Variants in ERICH3 observed in about 807,000 individuals in gnomAD.
The protein encoded by ERICH3 is glutamate-rich protein 3.
In ERICH3, 126 loss-of-function variants were observed where a neutral mutation model predicts 131.1. The observed-to-expected ratio is 0.96, with a 90% CI of 0.83 to 1.11. The LOEUF (loss-of-function observed/expected upper bound fraction) is 1.11, where lower values mean the gene tolerates loss of function less well. Among genes scored for constraint, ERICH3 ranks in the 50% most tolerant of loss-of-function variants. The pLI, the probability that ERICH3 is intolerant of heterozygous loss-of-function variation, is 0.00. For synonymous variants in ERICH3, 695 were observed against 644.6 expected (o/e 1.08, Z -1.18); for missense variants, 2,050 against 1,810.7 (o/e 1.13, Z -2.40).
intron 12 of ERICH3, among the ~76,000 whole-genome samples, chr1:74,582,494 A>G (rs139506050): frequency 6.6e-6 from 1 of 152,294 alleles, no homozygotes; most frequent in African/African-American, 2.4e-5. Flanking sequence ...ACCTGAATTC[A>G]TATTACCAAA....
chr1:74,591,018 G>T lies in ERICH3; in HGVS notation c.1727-938C>A, dbSNP rs72675361. 7.6e-3 allele frequency among the ~76,000 whole-genome samples: 1,149 copies of T among 152,182 alleles called. 6 individuals carry two copies. Among genetic ancestry groups the T allele is most frequent in the Non-Finnish European group, 0.013 (852 of 67,988 alleles). ...TATCACCACAGTATTCTGTGTGCAT[G>T]AAACTTAAATTTTTGTCTACTGTAC... On this transcript the variant is annotated intron_variant, in intron 11 of 14. Transcript: ENST00000326665.
intron 6 of ERICH3, among the ~76,000 whole-genome samples, chr1:74,633,354 T>A (rs1285299050): frequency 1.3e-5 from 2 of 151,814 alleles, no homozygotes; most frequent in African/African-American, 4.8e-5. Flanking sequence ...TTTTCTTATA[T>A]TTTCCATTTT....
chr1:74,667,377 A>T (rs1194320729), intron 1 of ERICH3, among the ~76,000 whole-genome samples: 1 of 152,226 alleles, frequency 6.6e-6, no homozygotes, highest in African/African-American at 2.4e-5. Context: ...TCATTCCATA[A>T]CATACACTAT....
chr1:74,573,488 G>A lies in ERICH3; in HGVS notation c.2222C>T (p.Pro741Leu). Reference sequence around the variant, plus strand: ...TTCATCCACCATGAAATTCATTGTTGGTGCTATAAAAATAAGGTTAGAAAT... The same window carrying A: ...TTCATCCACCATGAAATTCATTGTTAGTGCTATAAAAATAAGGTTAGAAAT... ...PLAYVLALGA[P>L]TMNFMVDETA... Residue 741 changes from proline to leucine, a missense_variant, in exon 14 of 15, where the codon CCA becomes CTA. Transcript: ENST00000326665. 1 of 1,500,936 alleles carries A rather than the reference G, an allele frequency of 6.7e-7. No individual in the cohort carries two copies. Among genetic ancestry groups the A allele is most frequent in the Non-Finnish European group, 8.9e-7 (1 of 1,128,632 alleles). The allele number at this position is 1,500,936 out of a possible 1,614,324, so 93.0% of individuals were successfully genotyped here. A position where few individuals can be genotyped will look rare whatever the true frequency, so the allele number is the denominator to read the frequency against.
At chr1:74,654,377 T>TATCCTACAGTAGG (rs1646564622) in intron 1 of ERICH3, among the ~76,000 whole-genome samples, 1 of 151,588 alleles carries the variant, frequency 6.6e-6, no homozygotes, top group Non-Finnish European at 1.5e-5. Context: ...TATGTATGTA[T>TATCCTACAGTAGG]ATATGTATAT....
intron 9 of ERICH3, among the ~76,000 whole-genome samples, chr1:74,610,107 C>T (rs553960241): frequency 1.8e-4 from 27 of 151,980 alleles, no homozygotes; most frequent in African/African-American, 6.0e-4. Flanking sequence ...TGTTAAATGA[C>T]CTGCTCTCAA....
intron 2 of ERICH3, 101 bp from the exon 3 acceptor site, chr1:74,646,893 C>A: frequency 4.1e-6 from 1 of 244,544 alleles, no homozygotes; most frequent in Non-Finnish European, 7.6e-6. Flanking sequence ...CAGACAGACA[C>A]ACACACACAC....
At chr1:74,585,526 T>C (rs1281557567) in intron 12 of ERICH3, among the ~76,000 whole-genome samples, 1 of 152,174 alleles carries the variant, frequency 6.6e-6, no homozygotes, top group Non-Finnish European at 1.5e-5. Flanking sequence ...GTAAAAACAA[T>C]TCAAATTAAA....
chr1:74,586,311 T>C (rs1647327227), intron 12 of ERICH3: 1 of 807,090 alleles, frequency 1.2e-6, no homozygotes, highest in Non-Finnish European at 1.5e-6. Flanking sequence ...CATCTATACA[T>C]AAAAATAACA....
intron 7 of ERICH3, 145 bp from the exon 8 acceptor site, chr1:74,621,059 C>A (rs1649199613): frequency 3.0e-6 from 2 of 661,246 alleles, no homozygotes; most frequent in Non-Finnish European, 4.6e-6. Flanking sequence ...TACAAATGCA[C>A]AAAAAGTCAA....
intron 1 of ERICH3, among the ~76,000 whole-genome samples, chr1:74,657,255 G>A (rs1026371910): frequency 8.6e-5 from 13 of 151,990 alleles, no homozygotes; most frequent in Non-Finnish European, 1.5e-4. Flanking sequence ...TTGAAAAAAT[G>A]GTGCCTTTGT....
chr1:74,625,688 A>G (rs1649391371), intron 7 of ERICH3: 1 of 152,134 alleles, frequency 6.6e-6, no homozygotes, highest in African/African-American at 2.4e-5. Flanking sequence ...TAACCTCAGG[A>G]CCTAGCATAT....
Position 74,576,942 on chromosome 1 carries a change from TAA to T in ERICH3, c.2177-8_2177-7del, listed in dbSNP as rs754818068. On this transcript the variant is annotated splice_polypyrimidine_tract_variant and splice_region_variant and intron_variant, in intron 12 of 14. Coordinates refer to ENST00000326665, the MANE Select transcript of ERICH3 (RefSeq NM_001002912.5). Reference sequence around the variant, plus strand: ...TAATGGCAATGAATCCTTTCCTAGTTAAAAAAAAAAAAAAGAAAAAAAAGGTC... The same window carrying T: ...TAATGGCAATGAATCCTTTCCTAGTTAAAAAAAAAAAAGAAAAAAAAGGTC... 7.9e-3 allele frequency: 10,302 copies of T among 1,300,736 alleles called. No individual in the cohort carries two copies. The highest frequency in any genetic ancestry group is 0.015 in the South Asian group (1,093 of 71,794). 80.6% of individuals were successfully genotyped at this position (1,300,736 alleles called of 1,614,324 possible).
chr1:74,597,596 T>A (rs1202022727), intron 11 of ERICH3, among the ~76,000 whole-genome samples: 2 of 152,014 alleles, frequency 1.3e-5, no homozygotes, highest in African/African-American at 4.8e-5. Context: ...AAAATTCCAA[T>A]AACTGTAAAG....
chr1:74,630,682 TCC>T (rs1328647952), intron 7 of ERICH3, among the ~76,000 whole-genome samples: 2 of 152,048 alleles, frequency 1.3e-5, no homozygotes, highest in African/African-American at 4.8e-5. Context: ...AATAATTTGC[TCC>T]TTTATCTAAG....
rs754067572 is a variant in ERICH3, at chr1:74,571,285, T to C, written c.4425A>G (p.Arg1475=). Residue 1475 remains arginine (R), a synonymous_variant, in exon 14 of 15, where the codon CGA becomes CGG. Coordinates refer to ENST00000326665, the MANE Select transcript of ERICH3 (RefSeq NM_001002912.5). The part of the protein sequence containing the change: ...RQETGAAEKF[R]LGLSREGERE... ...TCTCTCCCTCCCGTGATAATCCTAA[T>C]CGGAATTTTTCAGCTGCTCCTGTCT... The C allele has an allele frequency of 1.2e-5, 20 of 1,613,938 alleles. No homozygotes were observed. The highest frequency in any genetic ancestry group is 1.7e-5 in the Non-Finnish European group (20 of 1,180,000).
chr1:74,577,050 C>T (rs552423403), intron 12 of ERICH3, 114 bp from the exon 13 acceptor site: 1 of 815,340 alleles, frequency 1.2e-6, no homozygotes, highest in African/African-American at 1.7e-5. Flanking sequence ...AGCTGTTCAA[C>T]TATCTGGGAG....
Position 74,589,690 on chromosome 1 carries a change from TC to T in ERICH3, c.2116del (p.Glu706LysfsTer7), listed in dbSNP as rs1373563155. On this transcript the variant is annotated frameshift_variant, in exon 12 of 15. Transcript: ENST00000326665. LOFTEE classifies it high-confidence loss of function. ...GTCCTTCACCTGAGCAGTGCTTTCT[TC>T]CCAAAGCTTACTCTTATCCTTTTCC... ...EKEKDKSKLW[E>X]ESTAQVKDKK... The T allele has an allele frequency of 6.2e-7, 1 of 1,614,058 alleles. No individual in the cohort carries two copies. The highest frequency in any genetic ancestry group is 1.7e-5 in the Admixed American group (1 of 60,004).
chr1:74,646,713 C>T lies in ERICH3; in HGVS notation c.197G>A (p.Arg66Gln), dbSNP rs758189061. ...MMKRDHQKYI[R>Q]ECLAQAIFHK... is the part of the protein sequence containing the mutation. ...AAAAATTGCCTGGGCTAAGCATTCC[C>T]GGATATATTTTTGATGATCCCGCTT... The change falls in exon 3 of 15, where the codon CGG (arginine) becomes CAG (glutamine). Residue 66 changes from arginine (R) to glutamine (Q), a missense_variant. By Grantham distance (43) the Arg-to-Gln change is conservative. Coordinates refer to ENST00000326665, the MANE Select transcript of ERICH3 (RefSeq NM_001002912.5). 3.1e-5 allele frequency: 46 copies of T among 1,485,906 alleles called. No homozygotes were observed. Among genetic ancestry groups the T allele is most frequent in the Non-Finnish European group, 3.4e-5 (37 of 1,097,584 alleles). 92.0% of individuals were successfully genotyped at this position (1,485,906 alleles called of 1,614,324 possible). A position where few individuals can be genotyped will look rare whatever the true frequency, so the allele number is the denominator to read the frequency against.
Sources: allele counts gnomAD v4.1 joint callset (sites outside exome capture counted in the v4.1 genomes callset), GRCh38; gene constraint gnomAD v4.1.1; transcripts MANE v1.5; gene names NCBI Gene and HGNC (gene_info 2026-07-23, HGNC 2026-07-21).